Variants in CABLES1 observed in about 807,000 individuals in gnomAD.
CABLES1 encodes CDK5 and ABL1 enzyme substrate 1.
CABLES1 carries 36 observed loss-of-function variants against 57.8 expected under a neutral mutation model. That is an observed-to-expected ratio of 0.62 (90% CI 0.48 to 0.82). The LOEUF (loss-of-function observed/expected upper bound fraction) is 0.82. Ranked by LOEUF, CABLES1 falls within the 40% of genes least tolerant of loss-of-function variation. CABLES1 has a pLI of 0.00. For missense variants in CABLES1, 767 were observed against 836.6 expected (o/e 0.92, Z 1.03); for synonymous variants, 374 against 363.0 (o/e 1.03, Z -0.35).
chr18:23,155,302 G>T (rs1038020835), intron 1 of CABLES1, among the ~76,000 whole-genome samples: 5 of 152,168 alleles, frequency 3.3e-5, no homozygotes, highest in Non-Finnish European at 7.3e-5. Context: ...GTCACAAATT[G>T]GTACCAGATG....
At position 23,252,903 on chromosome 18, in the gene CABLES1, A is replaced by T. The variant is rs554181905; in HGVS notation, c.1447-57A>T. 25 of 1,205,370 alleles carry T rather than the reference A, an allele frequency of 2.1e-5. No individual in the cohort carries two copies. The South Asian group carries it at 3.0e-4, about 14-fold the overall frequency. The allele number at this position is 1,205,370 out of a possible 1,614,324, so 74.7% of individuals were successfully genotyped here. ...GTAAGTTGGTCGTAGTTGGTGCATA[A>T]TTATTACATACGACCCTTGTTTTAA... On this transcript the variant is annotated intron_variant, in intron 7 of 9. Coordinates refer to ENST00000256925, the MANE Select transcript of CABLES1 (RefSeq NM_001100619.3).
Position 23,136,664 on chromosome 18 carries a change from C to G in CABLES1, c.845+57C>G, listed in dbSNP as rs142120848. ...CCTGCGTCCCGCCCGGCGCTCCCAG[C>G]CTCCCCGCGGTCTCTGGGCTACGGG... On this transcript the variant is annotated intron_variant, in intron 1 of 9. Transcript: ENST00000256925. 7 of 1,158,704 alleles carry G rather than the reference C, an allele frequency of 6.0e-6. No homozygotes were observed. In the African/African-American group the frequency reaches 1.1e-4, roughly 18 times the overall value. 71.8% of individuals were successfully genotyped at this position (1,158,704 alleles called of 1,614,324 possible). A position where few individuals can be genotyped will look rare whatever the true frequency, so the allele number is the denominator to read the frequency against.
chr18:23,174,679 A>G (rs11664117), intron 1 of CABLES1, among the ~76,000 whole-genome samples: 34,436 of 151,286 alleles, frequency 0.23, 5,027 homozygotes, highest in Non-Finnish European at 0.32. Context: ...TCACCATGTT[A>G]GCCAGGATGG....
Position 23,135,805 on chromosome 18 carries a change from A to T in CABLES1, c.43A>T (p.Ser15Cys), listed in dbSNP as rs951283598. The change falls in exon 1 of 10, where the codon AGC becomes TGC. Residue 15 changes from serine (S) to cysteine (C), a missense_variant. Physicochemically the swap from Ser to Cys is moderately radical, Grantham distance 112. Around this residue, in one of 4 missense-constraint regions of CABLES1, gnomAD observed 198 missense variants for 149.7 expected, o/e 1.32. Coordinates refer to ENST00000256925, the MANE Select transcript of CABLES1 (RefSeq NM_001100619.3). ...AAAATTAACS[S>C]GSAGTDAAGA... Reference sequence around the variant, plus strand: ...GGCCGCCACCACGGCCGCCTGCAGCAGCGGCAGCGCCGGCACCGACGCCGC... The same window carrying T: ...GGCCGCCACCACGGCCGCCTGCAGCTGCGGCAGCGCCGGCACCGACGCCGC... The T allele has an allele frequency of 1.0e-6, 1 of 962,768 alleles. No homozygotes were observed. The highest frequency in any genetic ancestry group is 6.3e-5 in the Admixed American group (1 of 15,884). 59.6% of individuals were successfully genotyped at this position (962,768 alleles called of 1,614,324 possible). A position where few individuals can be genotyped will look rare whatever the true frequency, so the allele number is the denominator to read the frequency against.
intron 1 of CABLES1, among the ~76,000 whole-genome samples, chr18:23,176,797 G>C (rs2144998486): frequency 6.6e-6 from 1 of 152,272 alleles, no homozygotes; most frequent in Admixed American, 6.5e-5. Context: ...TGCAGTTTCT[G>C]AGCTGTCAAA....
intron 4 of CABLES1, among the ~76,000 whole-genome samples, chr18:23,224,273 G>C (rs926474516): frequency 2.6e-5 from 4 of 151,868 alleles, no homozygotes; most frequent in African/African-American, 9.7e-5. Context: ...ACCTCCTTTG[G>C]TGCCTCCATT....
At chr18:23,207,012 A>G (rs1400524024) in intron 3 of CABLES1, among the ~76,000 whole-genome samples, 1 of 152,030 alleles carries the variant, frequency 6.6e-6, no homozygotes, top group Non-Finnish European at 1.5e-5. Context: ...AGGTCTCATT[A>G]TGTTGCCCAG....
chr18:23,218,583 C>T (rs1223938747), intron 4 of CABLES1, among the ~76,000 whole-genome samples: 1 of 89,580 alleles, frequency 1.1e-5, no homozygotes, highest in African/African-American at 5.4e-5. Context: ...TCCTCACTTG[C>T]CCTGCCTCCC....
At chr18:23,208,453 T>C (rs1369580438) in intron 3 of CABLES1, among the ~76,000 whole-genome samples, 1 of 152,230 alleles carries the variant, frequency 6.6e-6, no homozygotes, top group Non-Finnish European at 1.5e-5. Flanking sequence ...CAAGTCCCCT[T>C]CTTCCAGCTT....
Position 23,231,272 on chromosome 18 carries a change from A to G in CABLES1, c.1089-3336A>G, listed in dbSNP as rs564767566. On this transcript the variant is annotated intron_variant, in intron 4 of 9. Transcript: ENST00000256925. ...TAGTAGTCACTAGCCACATGTGGCA[A>G]TTTACATTTAAATTAATTAAAATTA... Among the ~76,000 whole-genome samples, 212 of 152,370 alleles carry G rather than the reference A, an allele frequency of 1.4e-3. 4 individuals are homozygous for G. Among genetic ancestry groups the G allele is most frequent in the Non-Finnish European group, 1.2e-3 (83 of 68,032 alleles).
chr18:23,243,418 C>A (rs1568085850), intron 7 of CABLES1, among the ~76,000 whole-genome samples: 3 of 149,288 alleles, frequency 2.0e-5, no homozygotes, highest in African/African-American at 7.4e-5. Context: ...CCTGAAATGC[C>A]TGATTGTGCT....
intron 7 of CABLES1, among the ~76,000 whole-genome samples, chr18:23,250,346 G>A (rs1339542790): frequency 6.6e-6 from 1 of 152,146 alleles, no homozygotes; most frequent in Non-Finnish European, 1.5e-5. Context: ...TGGATTGGGG[G>A]GTGAGGGGTT....
chr18:23,149,658 C>T (rs912974265), intron 1 of CABLES1: 2 of 152,212 alleles, frequency 1.3e-5, no homozygotes, highest in Non-Finnish European at 2.9e-5. Flanking sequence ...CGTGTTAGCC[C>T]AGTAGTTTTC....
In CABLES1 at chr18:23,257,515, T is replaced by C; in HGVS notation, c.*148T>C. On this transcript the variant is annotated 3_prime_UTR_variant, in exon 10 of 10. Coordinates refer to ENST00000256925, the MANE Select transcript of CABLES1 (RefSeq NM_001100619.3). ...TTTGGGGAGAAGCAGTACTAGAAAC[T>C]TTCCAAGGAGTCTTGGGTGTGTAGC... 1.1e-6 allele frequency: 1 copy of C among 882,530 alleles called. No homozygotes were observed. The highest frequency in any genetic ancestry group is 1.6e-6 in the Non-Finnish European group (1 of 610,004). 54.7% of individuals were successfully genotyped at this position (882,530 alleles called of 1,614,324 possible). A position where few individuals can be genotyped will look rare whatever the true frequency, so the allele number is the denominator to read the frequency against.
At chr18:23,231,891 G>T (rs1568078314) in intron 4 of CABLES1, among the ~76,000 whole-genome samples, 1 of 152,152 alleles carries the variant, frequency 6.6e-6, no homozygotes, top group Non-Finnish European at 1.5e-5. Context: ...TTGGCGGCAG[G>T]CAGACAGCTG....
At chr18:23,244,632 G>A (rs914027211) in intron 7 of CABLES1, among the ~76,000 whole-genome samples, 2 of 152,234 alleles carry the variant, frequency 1.3e-5, no homozygotes, top group African/African-American at 4.8e-5. Flanking sequence ...AGCTGAGCCC[G>A]AATGCCGGTA....
At chr18:23,188,561 G>GTGTGTGTGTGTGTGTGTGTGTGTA (rs1262872088) in intron 1 of CABLES1, among the ~76,000 whole-genome samples, 3 of 152,164 alleles carry the variant, frequency 2.0e-5, no homozygotes, top group Admixed American at 2.0e-4. Flanking sequence ...GTGTGTGTGT[G>GTGTGTGTGTGTGTGTGTGTGTGTA]TGTGTCCTTG....
chr18:23,249,929 G>A lies in CABLES1; in HGVS notation c.1447-3031G>A, dbSNP rs770533952. On this transcript the variant is annotated intron_variant, in intron 7 of 9. Coordinates refer to ENST00000256925, the MANE Select transcript of CABLES1 (RefSeq NM_001100619.3). ...CACTCTGGGAGACCAGGATCCCAGC[G>A]CTGGCCCCTGCCTGCGGCTCACTCA... Among the ~76,000 whole-genome samples, 38 of 152,224 alleles carry A rather than the reference G, an allele frequency of 2.5e-4. 1 individual carries two copies. Among genetic ancestry groups the A allele is most frequent in the South Asian group, 4.1e-4 (2 of 4,836 alleles).
intron 1 of CABLES1, among the ~76,000 whole-genome samples, chr18:23,181,960 A>G (rs2047170100): frequency 6.6e-6 from 1 of 152,212 alleles, no homozygotes; most frequent in African/African-American, 2.4e-5. Context: ...GAGGTATCCA[A>G]GACACTCTCA....
Sources: gnomAD v4.1 joint callset for allele counts (sites outside exome capture counted in the v4.1 genomes callset) on GRCh38, gnomAD v4.1.1 for gene constraint, gnomAD v4.1.1 regional missense constraint, MANE v1.5 for transcripts, NCBI Gene and HGNC (gene_info 2026-07-23, HGNC 2026-07-21) for gene names.